Variants in XPO7 observed in about 807,000 individuals in gnomAD.
XPO7 encodes exportin 7.
A neutral mutation model predicts 144.3 loss-of-function variants in XPO7; 21 were observed. The observed-to-expected ratio is 0.15, with a 90% CI of 0.10 to 0.21. The LOEUF (loss-of-function observed/expected upper bound fraction) is 0.21. XPO7 is among the 10% of genes least tolerant of loss of function. XPO7 has a pLI of 1.00. For missense variants in XPO7, 808 were observed against 1,325.8 expected (o/e 0.61, Z 6.06); for synonymous variants, 580 against 499.6 (o/e 1.16, Z -2.15).
intron 1 of XPO7, among the ~76,000 whole-genome samples, chr8:21,954,620 T>C (rs1308463585): frequency 2.6e-5 from 4 of 151,790 alleles, no homozygotes; most frequent in Admixed American, 2.0e-4. Flanking sequence ...GGCAACAGAG[T>C]GAGACTCCAT....
intron 1 of XPO7, among the ~76,000 whole-genome samples, chr8:21,942,825 G>T (rs1431519210): frequency 6.6e-6 from 1 of 152,174 alleles, no homozygotes; most frequent in Admixed American, 6.5e-5. Flanking sequence ...TCCTCAAGTT[G>T]AGATTTAGTA....
chr8:21,972,699 T>G (rs1205578927), intron 5 of XPO7, among the ~76,000 whole-genome samples: 1 of 152,240 alleles, frequency 6.6e-6, no homozygotes, highest in Non-Finnish European at 1.5e-5. Flanking sequence ...AATTTGTGAT[T>G]ATAGAACAGG....
rs374487377 is a variant in XPO7, at chr8:21,945,150, G to T, written c.19-21707G>T. Among the ~76,000 whole-genome samples the T allele has an allele frequency of 4.8e-3, 726 of 152,324 alleles. 6 individuals carry two copies. The highest frequency in any genetic ancestry group is 0.017 in the African/African-American group (700 of 41,568). On this transcript the variant is annotated intron_variant, in intron 1 of 27. Transcript: ENST00000252512. Reference sequence around the variant, plus strand: ...ACCTCCCAGACGGGGTGGCGGCCGGGCAGAGGGGCTCTTCACTTCCCAGAC... The same window carrying T: ...ACCTCCCAGACGGGGTGGCGGCCGGTCAGAGGGGCTCTTCACTTCCCAGAC...
chr8:21,951,263 G>T lies in XPO7; in HGVS notation c.19-15594G>T, dbSNP rs116143815. Among the ~76,000 whole-genome samples the T allele has an allele frequency of 4.8e-3, 729 of 151,614 alleles. 7 individuals are homozygous for T. Among genetic ancestry groups the T allele is most frequent in the African/African-American group, 0.017 (703 of 41,352 alleles). On this transcript the variant is annotated intron_variant, in intron 1 of 27. Transcript: ENST00000252512. ...TATGCTCACCTCTTTGGTTAAGTAC[G>T]TCTTTTTTTTTTTAAACCTATGAGG...
At chr8:21,963,290 T>G (rs887189919) in intron 1 of XPO7, among the ~76,000 whole-genome samples, 2 of 152,212 alleles carry the variant, frequency 1.3e-5, no homozygotes, top group African/African-American at 4.8e-5. Flanking sequence ...TATGCTTATG[T>G]CTAGTTCAGT....
chr8:21,992,702 C>T (rs895203166), intron 19 of XPO7, among the ~76,000 whole-genome samples: 4 of 152,172 alleles, frequency 2.6e-5, no homozygotes, highest in African/African-American at 9.7e-5. Context: ...GCACGAGACA[C>T]GATGCCCAGT....
intron 8 of XPO7, among the ~76,000 whole-genome samples, chr8:21,979,388 T>C (rs1346167677): frequency 6.7e-6 from 1 of 148,570 alleles, no homozygotes; most frequent in Non-Finnish European, 1.5e-5. Flanking sequence ...GCTTATTTCT[T>C]TTTTTTTTCT....
intron 1 of XPO7, among the ~76,000 whole-genome samples, chr8:21,923,290 C>A (rs1340909185): frequency 6.6e-6 from 1 of 152,158 alleles, no homozygotes; most frequent in African/African-American, 2.4e-5. Context: ...GCTCTTTTGG[C>A]AGGCTTCAGG....
At chr8:21,991,834 A>G (rs1472410809) in intron 18 of XPO7, 34 bp from the exon 19 acceptor site, 2 of 1,549,390 alleles carry the variant, frequency 1.3e-6, no homozygotes, top group East Asian at 2.3e-5. Flanking sequence ...AATTCTTGGT[A>G]TTGGGGTTAC....
At chr8:21,920,293 A>AC (rs1259243006) in intron 1 of XPO7, among the ~76,000 whole-genome samples, 11 of 150,406 alleles carry the variant, frequency 7.3e-5, no homozygotes, top group South Asian at 2.1e-4. Flanking sequence ...AATACGAGAG[A>AC]CCCCCCAGCA....
intron 1 of XPO7, among the ~76,000 whole-genome samples, chr8:21,931,869 ATTACT>A (rs563425968): frequency 9.1e-4 from 139 of 152,142 alleles, no homozygotes; most frequent in Non-Finnish European, 1.6e-3. Flanking sequence ...CTGCTAGAAG[ATTACT>A]TTATTTATTT....
Position 21,970,202 on chromosome 8 carries a change from A to G in XPO7, c.318A>G (p.Gln106=). ...CGAAGTTGGCTACTTTCGTGACACAAGCACTTATTCAGTTATATGCCAGAA... is the reference window on the plus strand; with the variant it reads ...CGAAGTTGGCTACTTTCGTGACACAGGCACTTATTCAGTTATATGCCAGAA... The part of the protein sequence containing the change: ...TRPKLATFVT[Q]ALIQLYARIT... Residue 106 remains glutamine, a synonymous_variant, in exon 4 of 28, where the codon CAA becomes CAG. Coordinates refer to ENST00000252512, the MANE Select transcript of XPO7 (RefSeq NM_015024.5). 3 of 1,613,872 alleles carry G rather than the reference A, an allele frequency of 1.9e-6. No homozygotes were observed. The highest frequency in any genetic ancestry group is 2.5e-6 in the Non-Finnish European group (3 of 1,179,818).
intron 24 of XPO7, among the ~76,000 whole-genome samples, 163 bp downstream of exon 24, chr8:21,999,837 C>T (rs114812393): frequency 6.6e-6 from 1 of 152,198 alleles, no homozygotes; most frequent in African/African-American, 2.4e-5. Context: ...TTATCCAGCA[C>T]ACACTCACTG....
intron 1 of XPO7, among the ~76,000 whole-genome samples, chr8:21,949,268 G>C (rs1424918848): frequency 6.6e-6 from 1 of 152,096 alleles, no homozygotes; most frequent in African/African-American, 2.4e-5. Context: ...TACTTCCTAG[G>C]GTAGCACGAG....
intron 1 of XPO7, among the ~76,000 whole-genome samples, chr8:21,938,145 C>T (rs1192276818): frequency 1.3e-5 from 2 of 152,112 alleles, no homozygotes; most frequent in Non-Finnish European, 2.9e-5. Flanking sequence ...TCTTGTGCAA[C>T]TATAAACAGA....
intron 19 of XPO7, 67 bp from the exon 20 acceptor site, chr8:21,994,296 A>G (rs1812868177): frequency 8.4e-7 from 1 of 1,193,002 alleles, no homozygotes. Flanking sequence ...CATGTGTGGA[A>G]TCCTCATCAG....
At chr8:21,940,777 G>A (rs1472072583) in intron 1 of XPO7, among the ~76,000 whole-genome samples, 1 of 152,048 alleles carries the variant, frequency 6.6e-6, no homozygotes, top group Non-Finnish European at 1.5e-5. Flanking sequence ...CCAGTGGTCA[G>A]GCATTTTCAT....
chr8:21,945,142 G>A (rs912429691), intron 1 of XPO7, among the ~76,000 whole-genome samples: 1 of 152,166 alleles, frequency 6.6e-6, no homozygotes, highest in African/African-American at 2.4e-5. Flanking sequence ...AGACGGGGTG[G>A]CGGCCGGGCA....
chr8:21,938,267 T>C (rs1484399377), intron 1 of XPO7, among the ~76,000 whole-genome samples: 1 of 152,248 alleles, frequency 6.6e-6, no homozygotes, highest in African/African-American at 2.4e-5. Context: ...TACTTTCTTT[T>C]CTTTTATATT....
Sources: gnomAD v4.1 joint callset for allele counts (sites outside exome capture counted in the v4.1 genomes callset) on GRCh38, gnomAD v4.1.1 for gene constraint, MANE v1.5 for transcripts, NCBI Gene and HGNC (gene_info 2026-07-23, HGNC 2026-07-21) for gene names.